Variants in XPR1 observed in about 807,000 individuals in gnomAD.
The protein encoded by XPR1 is xenotropic and polytropic retrovirus receptor 1.
XPR1 carries 28 observed loss-of-function variants against 87.5 expected under a neutral mutation model. That is an observed-to-expected ratio of 0.32 (90% CI 0.24 to 0.44). The LOEUF (loss-of-function observed/expected upper bound fraction) is 0.44, where lower values mean the gene tolerates loss of function less well. Among genes scored for constraint, XPR1 ranks in the 20% least tolerant of loss-of-function variants. The pLI, the probability that XPR1 is intolerant of heterozygous loss-of-function variation, is 1.00. For missense variants in XPR1, 559 were observed against 862.3 expected, an observed-to-expected ratio of 0.65 and a Z score of 4.41; for synonymous variants, 300 against 306.1, an observed-to-expected ratio of 0.98 and a Z score of 0.21.
At chr1:180,835,949 C>T (rs2102169229) in intron 10 of XPR1, among the ~76,000 whole-genome samples, 1 of 152,292 alleles carries the variant, frequency 6.6e-6, no homozygotes, top group Middle Eastern at 3.4e-3. Flanking sequence ...AGTTTTATCA[C>T]ACTCCAAAGA....
chr1:180,695,408 T>TTGCGTG (rs1657129182), intron 2 of XPR1, among the ~76,000 whole-genome samples: 1 of 148,436 alleles, frequency 6.7e-6, no homozygotes, highest in Non-Finnish European at 1.5e-5. Context: ...GTAGTCCCAT[T>TTGCGTG]TGTGTGTGTG....
At chr1:180,680,986 CAT>C (rs545964820) in intron 1 of XPR1, among the ~76,000 whole-genome samples, 370 of 152,304 alleles carry the variant, frequency 2.4e-3, no homozygotes, top group Admixed American at 3.9e-3. Context: ...TGTTCTCACT[CAT>C]ATGTGGAACC....
intron 3 of XPR1, among the ~76,000 whole-genome samples, chr1:180,789,018 T>C (rs894061776): frequency 2.0e-5 from 3 of 152,350 alleles, no homozygotes; most frequent in Middle Eastern, 6.8e-3. Context: ...CATTCTCTTT[T>C]ATAGAGTATT....
intron 3 of XPR1, among the ~76,000 whole-genome samples, chr1:180,798,682 C>T (rs745622024): frequency 2.0e-5 from 3 of 152,086 alleles, no homozygotes; most frequent in Admixed American, 6.6e-5. Flanking sequence ...GGCACAATCT[C>T]GGCTCACTGC....
chr1:180,733,871 T>G (rs1658638717), intron 2 of XPR1, among the ~76,000 whole-genome samples: 1 of 152,240 alleles, frequency 6.6e-6, no homozygotes, highest in Non-Finnish European at 1.5e-5. Context: ...ATGATAACGT[T>G]AATAATAGCT....
intron 2 of XPR1, among the ~76,000 whole-genome samples, chr1:180,725,105 A>G (rs971159555): frequency 6.6e-6 from 1 of 152,200 alleles, no homozygotes; most frequent in African/African-American, 2.4e-5. Flanking sequence ...GTACACATTC[A>G]AAGTGTAAGT....
At chr1:180,815,030 G>A (rs1311464245) in intron 7 of XPR1, among the ~76,000 whole-genome samples, 1 of 152,136 alleles carries the variant, frequency 6.6e-6, no homozygotes, top group East Asian at 1.9e-4. Context: ...CAGATAAGAA[G>A]TGTAAGTAAA....
At chr1:180,857,375 C>A (rs1652072216) in intron 11 of XPR1, among the ~76,000 whole-genome samples, 1 of 152,134 alleles carries the variant, frequency 6.6e-6, no homozygotes, top group Admixed American at 6.5e-5. Context: ...AAATAGGAGG[C>A]TTTACTGAGG....
chr1:180,760,197 C>A (rs1434522891), intron 2 of XPR1, among the ~76,000 whole-genome samples: 1 of 152,148 alleles, frequency 6.6e-6, no homozygotes, highest in Non-Finnish European at 1.5e-5. Context: ...CCTTTGAAAA[C>A]TGGCACAAGA....
chr1:180,657,076 T>G (rs1157401048), intron 1 of XPR1, among the ~76,000 whole-genome samples: 1 of 152,172 alleles, frequency 6.6e-6, no homozygotes, highest in Non-Finnish European at 1.5e-5. Flanking sequence ...GATTTGCGTT[T>G]CTCTGATGAT....
rs1226937212 is a variant in XPR1, at chr1:180,887,629, A to G, written c.*3563A>G. ...TCAGCACTCTACCATTAGGCTCCTTAGGCAAGCTGCTTAACTTCCGTCAGA... is the reference window on the plus strand; with the variant it reads ...TCAGCACTCTACCATTAGGCTCCTTGGGCAAGCTGCTTAACTTCCGTCAGA... On this transcript the variant is annotated 3_prime_UTR_variant, in exon 15 of 15. Coordinates refer to ENST00000367590, the MANE Select transcript of XPR1 (RefSeq NM_004736.4). 6.6e-6 allele frequency: 1 copy of G among 152,228 alleles called. No individual in the cohort carries two copies. Among genetic ancestry groups the G allele is most frequent in the Non-Finnish European group, 1.5e-5 (1 of 68,036 alleles). The allele number at this position is 152,228 out of a possible 1,614,324, so 9.4% of individuals were successfully genotyped here.
chr1:180,649,166 CT>C (rs1357808925), intron 1 of XPR1, among the ~76,000 whole-genome samples: 1 of 152,058 alleles, frequency 6.6e-6, no homozygotes, highest in African/African-American at 2.4e-5. Context: ...TGGCTCACGC[CT>C]GTAATCCCAG....
intron 2 of XPR1, among the ~76,000 whole-genome samples, chr1:180,722,374 A>G (rs545058901): frequency 1.6e-3 from 247 of 152,228 alleles, no homozygotes; most frequent in Non-Finnish European, 2.9e-3. Flanking sequence ...GATTACAGAC[A>G]TGAGCCACCG....
At chr1:180,879,027 A>G (rs1652756520) in intron 13 of XPR1, among the ~76,000 whole-genome samples, 1 of 152,198 alleles carries the variant, frequency 6.6e-6, no homozygotes, top group Admixed American at 6.5e-5. Flanking sequence ...ATTCTCCCAT[A>G]TCTAATGATT....
chr1:180,739,131 C>G (rs111292888), intron 2 of XPR1, among the ~76,000 whole-genome samples: 1 of 152,246 alleles, frequency 6.6e-6, no homozygotes, highest in East Asian at 1.9e-4. Flanking sequence ...AAAAAAGAGT[C>G]TCTCTCCCTT....
chr1:180,775,875 T>A (rs1431233545), intron 2 of XPR1, among the ~76,000 whole-genome samples: 1 of 152,214 alleles, frequency 6.6e-6, no homozygotes, highest in Non-Finnish European at 1.5e-5. Context: ...TATATGTGGA[T>A]ATATTCATTT....
chr1:180,858,138 C>G (rs1317256161), intron 11 of XPR1, among the ~76,000 whole-genome samples: 1 of 152,184 alleles, frequency 6.6e-6, no homozygotes, highest in African/African-American at 2.4e-5. Context: ...ATCGCTTGAA[C>G]CAGGAGGTGG....
intron 2 of XPR1, among the ~76,000 whole-genome samples, chr1:180,766,234 A>C (rs1266705149): frequency 6.6e-6 from 1 of 152,190 alleles, no homozygotes; most frequent in African/African-American, 2.4e-5. Context: ...CATTTCCAAA[A>C]AAATGCAACC....
rs530176661 is a variant in XPR1, at chr1:180,717,484, T to A, written c.121+35073T>A. On this transcript the variant is annotated intron_variant, in intron 2 of 14. Coordinates refer to ENST00000367590, the MANE Select transcript of XPR1 (RefSeq NM_004736.4). ...TTATAACCAAAGAGTATTGACAGAT[T>A]AGTGGCAGCCAAAAGTGTTTTTTTT... Among the ~76,000 whole-genome samples, 26 of 152,206 alleles carry A rather than the reference T, an allele frequency of 1.7e-4. 1 individual carries two copies. The South Asian group carries it at 5.0e-3, about 29-fold the overall frequency.
Sources: gnomAD v4.1 joint callset for allele counts (sites outside exome capture counted in the v4.1 genomes callset) on GRCh38, gnomAD v4.1.1 for gene constraint, MANE v1.5 for transcripts, NCBI Gene and HGNC (gene_info 2026-07-23, HGNC 2026-07-21) for gene names.